The following LRRK1 variants were observed in gnomAD, a reference collection of about 807,000 sequenced individuals.
LRRK1 encodes the protein leucine rich repeat kinase 1.
A neutral mutation model predicts 209.1 loss-of-function variants in LRRK1; 113 were observed. That is an observed-to-expected ratio of 0.54 (90% CI 0.46 to 0.63). The LOEUF (loss-of-function observed/expected upper bound fraction) is 0.63, where lower values mean the gene tolerates loss of function less well. Among genes scored for constraint, LRRK1 ranks in the 30% least tolerant of loss-of-function variants. LRRK1 has a pLI of 0.00. For missense variants in LRRK1, 2,284 were observed against 2,632.2 expected (o/e 0.87, Z 2.89); for synonymous variants, 1,144 against 1,099.7 (o/e 1.04, Z -0.80).
At chr15:101,031,344 C>T (rs1033179348) in intron 20 of LRRK1, among the ~76,000 whole-genome samples, 6 of 152,232 alleles carry the variant, frequency 3.9e-5, no homozygotes, top group African/African-American at 1.2e-4. Flanking sequence ...TTGAACTTCT[C>T]AACCGCACAG....
chr15:101,067,797 G>A (rs1456069384), intron 33 of LRRK1, among the ~76,000 whole-genome samples: 1 of 152,240 alleles, frequency 6.6e-6, no homozygotes, highest in Non-Finnish European at 1.5e-5. Flanking sequence ...TGCAGGTCGG[G>A]CTTCTGGAGG....
chr15:100,946,044 G>A (rs1054687703), intron 2 of LRRK1, among the ~76,000 whole-genome samples: 18 of 152,140 alleles, frequency 1.2e-4, no homozygotes, highest in Middle Eastern at 3.4e-3. Context: ...GGGAAATAGC[G>A]GTAAATATAT....
rs140184410 is a variant in LRRK1, at chr15:101,003,970, G to A, written c.763-4867G>A. On this transcript the variant is annotated intron_variant, in intron 6 of 33. Coordinates refer to ENST00000388948, the MANE Select transcript of LRRK1 (RefSeq NM_024652.6). ...TGGGCCAGTCAGTTACCAACAGCAC[G>A]GCTACACCCTTGTGGTCCCCAAAAC... is the stretch of plus-strand genomic sequence containing the variant. Among the ~76,000 whole-genome samples, 886 of 152,246 alleles carry A rather than the reference G, an allele frequency of 5.8e-3. 9 individuals carry two copies. The highest frequency in any genetic ancestry group is 0.02 in the African/African-American group (847 of 41,528).
chr15:101,029,343 A>ACTGCTGCCC, intron 20 of LRRK1, 111 bp downstream of exon 20: 1 of 1,117,906 alleles, frequency 8.9e-7, no homozygotes, highest in Admixed American at 2.6e-5. Context: ...CAGTGCTGCC[A>ACTGCTGCCC]CTGCTGCCCC....
intron 20 of LRRK1, among the ~76,000 whole-genome samples, chr15:101,036,103 A>G (rs2034484190): frequency 6.6e-6 from 1 of 152,170 alleles, no homozygotes; most frequent in South Asian, 2.1e-4. Flanking sequence ...GGGATCTCAG[A>G]GCCTCCTGTA....
At position 101,055,003 on chromosome 15, in the gene LRRK1, C is replaced by A. The variant is rs2035711710; in HGVS notation, c.4112C>A (p.Ala1371Asp). 1 of 1,613,960 alleles carries A rather than the reference C, an allele frequency of 6.2e-7. No individual in the cohort carries two copies. ...ACCCAAAAAATAGCCTACCAGATCG[C>A]CTCGGGCCTGGCCTACCTGCACAAG... ...MLTQKIAYQI[A>D]SGLAYLHKKN... Residue 1371 changes from alanine to aspartate, a missense_variant, in exon 27 of 34, where the codon GCC becomes GAC. Physicochemically the swap from Ala to Asp is moderately radical, Grantham distance 126. Coordinates refer to ENST00000388948, the MANE Select transcript of LRRK1 (RefSeq NM_024652.6).
At chr15:100,927,917 C>G (rs571600754) in intron 2 of LRRK1, among the ~76,000 whole-genome samples, 1 of 152,164 alleles carries the variant, frequency 6.6e-6, no homozygotes, top group African/African-American at 2.4e-5. Flanking sequence ...CCAATTTTAA[C>G]GCATTGCATG....
At chr15:100,947,896 A>G (rs981642499) in intron 2 of LRRK1, among the ~76,000 whole-genome samples, 8 of 152,234 alleles carry the variant, frequency 5.3e-5, no homozygotes, top group African/African-American at 1.9e-4. Flanking sequence ...ATCCAGGGAA[A>G]CGTGAGCTGC....
chr15:100,995,246 C>T (rs916925378), intron 6 of LRRK1, among the ~76,000 whole-genome samples: 3 of 152,166 alleles, frequency 2.0e-5, no homozygotes, highest in Admixed American at 6.5e-5. Flanking sequence ...GTAATTGCTG[C>T]GTGTGTGGAA....
At chr15:101,063,248 C>G (rs376745397) in intron 31 of LRRK1, among the ~76,000 whole-genome samples, 1 of 152,232 alleles carries the variant, frequency 6.6e-6, no homozygotes, top group East Asian at 1.9e-4. Flanking sequence ...CCATTAAAGG[C>G]CCAGCCAGCT....
intron 30 of LRRK1, among the ~76,000 whole-genome samples, chr15:101,061,880 C>T (rs376892152): frequency 2.0e-5 from 3 of 152,116 alleles, no homozygotes; most frequent in South Asian, 2.1e-4. Context: ...CATGGTGGTG[C>T]GTGAGTGTTC....
At position 101,046,084 on chromosome 15, in the gene LRRK1, G is replaced by A. The variant is rs781362754; in HGVS notation, c.3067G>A (p.Val1023Ile). ...TIQRVFKMSF[V>I]PVGFWQRFIA... The stretch of plus-strand genomic sequence containing the variant: ...TCAGAGGGTATTTAAGATGAGCTTC[G>A]TTCCCGTTGGCTTCTGGCAAAGGTT... Residue 1023 changes from valine (V) to isoleucine (I), a missense_variant, in exon 21 of 34, where the codon GTT becomes ATT. By Grantham distance (29) the Val-to-Ile change is conservative (BLOSUM62 3). Transcript: ENST00000388948. 50 of 1,614,114 alleles carry A rather than the reference G, an allele frequency of 3.1e-5. No individual in the cohort carries two copies. Among genetic ancestry groups the A allele is most frequent in the South Asian group, 2.3e-4 (21 of 91,086 alleles).
intron 4 of LRRK1, among the ~76,000 whole-genome samples, chr15:100,985,312 T>C (rs972646930): frequency 2.0e-5 from 3 of 152,212 alleles, no homozygotes; most frequent in African/African-American, 7.2e-5. Flanking sequence ...GTTCTAGCCC[T>C]GAAGAGTCTG....
chr15:101,041,374 T>C (rs1265346949), intron 20 of LRRK1, among the ~76,000 whole-genome samples: 2 of 152,392 alleles, frequency 1.3e-5, no homozygotes, highest in Non-Finnish European at 2.9e-5. Context: ...ATTAATTATA[T>C]GGTTGGGTTT....
chr15:101,065,395 C>T lies in LRRK1; in HGVS notation c.4958C>T (p.Ala1653Val), dbSNP rs750797544. 1.2e-6 allele frequency: 2 copies of T among 1,613,996 alleles called. No individual in the cohort carries two copies. The highest frequency in any genetic ancestry group is 1.1e-5 in the South Asian group (1 of 91,094). ...GCGGGCCTCGCCGATGGGCTTGTGG[C>T]TGTGTTTCCCGTGGTGCGGGGCACC... is the stretch of plus-strand genomic sequence containing the variant. ...VLAGLADGLV[A>V]VFPVVRGTPK... is the part of the protein sequence containing the mutation. The change falls in exon 32 of 34, where the codon GCT becomes GTT. Residue 1653 changes from alanine (A) to valine (V), a missense_variant. Physicochemically the swap from Ala to Val is moderately conservative, Grantham distance 64 (BLOSUM62 0). This residue lies in a region of LRRK1 where 643 missense variants were observed against 695.9 expected (regional missense o/e 0.92). Coordinates refer to ENST00000388948, the MANE Select transcript of LRRK1 (RefSeq NM_024652.6).
chr15:100,966,038 A>G (rs2030432541), intron 2 of LRRK1, among the ~76,000 whole-genome samples: 1 of 152,186 alleles, frequency 6.6e-6, no homozygotes, highest in Non-Finnish European at 1.5e-5. Context: ...AATATTTAGA[A>G]CTGAGATATT....
intron 2 of LRRK1, among the ~76,000 whole-genome samples, chr15:100,925,058 A>T (rs2042086728): frequency 6.6e-6 from 1 of 152,180 alleles, no homozygotes; most frequent in Non-Finnish European, 1.5e-5. Context: ...GAAAAAAATA[A>T]TTTAAAAAAA....
intron 29 of LRRK1, 91 bp downstream of exon 29, chr15:101,058,232 AG>A: frequency 3.8e-6 from 5 of 1,320,986 alleles, no homozygotes; most frequent in Non-Finnish European, 5.3e-6. Context: ...GACCACAGTG[AG>A]AATTATTTAG....
At chr15:101,026,519 C>T (rs1358027505) in intron 17 of LRRK1, among the ~76,000 whole-genome samples, 1 of 152,218 alleles carries the variant, frequency 6.6e-6, no homozygotes, top group Non-Finnish European at 1.5e-5. Context: ...TCCATTGGGT[C>T]TGAGTGGTCC....
Sources: gnomAD v4.1 joint callset for allele counts (sites outside exome capture counted in the v4.1 genomes callset) on GRCh38, gnomAD v4.1.1 for gene constraint, gnomAD v4.1.1 regional missense constraint, MANE v1.5 for transcripts, NCBI Gene and HGNC (gene_info 2026-07-23, HGNC 2026-07-21) for gene names.